The following KCNH5 variants were observed in gnomAD, a reference collection of about 807,000 sequenced individuals.
KCNH5 encodes potassium voltage-gated channel subfamily H member 5, also known as voltage-gated delayed rectifier potassium channel KCNH5.
Under a neutral mutation model 96.1 loss-of-function variants are expected in KCNH5, and 46 were observed. That is an observed-to-expected ratio of 0.48 (90% CI 0.38 to 0.61). The LOEUF is 0.61. Among genes scored for constraint, KCNH5 ranks in the 20% least tolerant of loss-of-function variants. The pLI, the probability that KCNH5 is intolerant of heterozygous loss-of-function variation, is 0.00. For synonymous variants in KCNH5, 439 were observed against 449.8 expected (o/e 0.98, Z 0.30); for missense variants, 907 against 1,225.8 (o/e 0.74, Z 3.88).
At chr14:62,961,951 G>T (rs1165595839) in intron 6 of KCNH5, among the ~76,000 whole-genome samples, 1 of 151,950 alleles carries the variant, frequency 6.6e-6, no homozygotes, top group Non-Finnish European at 1.5e-5. Context: ...AGATGCAGAT[G>T]GAGTTACAGA....
At chr14:62,885,710 T>A (rs1172454066) in intron 7 of KCNH5, among the ~76,000 whole-genome samples, 2 of 152,180 alleles carry the variant, frequency 1.3e-5, no homozygotes, top group Non-Finnish European at 2.9e-5. Context: ...GTTAATTAAA[T>A]GAGTTCTTTA....
At chr14:62,896,710 A>G (rs1888820688) in intron 7 of KCNH5, among the ~76,000 whole-genome samples, 1 of 152,158 alleles carries the variant, frequency 6.6e-6, no homozygotes, top group African/African-American at 2.4e-5. Flanking sequence ...AAGATTTTTC[A>G]GAAACAAAGA....
chr14:62,938,426 T>C (rs1889726655), intron 7 of KCNH5, among the ~76,000 whole-genome samples: 1 of 152,214 alleles, frequency 6.6e-6, no homozygotes, highest in Admixed American at 6.5e-5. Flanking sequence ...AAGAAGTCAC[T>C]TAGGAGCTGG....
intron 1 of KCNH5, among the ~76,000 whole-genome samples, chr14:63,023,870 A>C (rs1891474925): frequency 6.6e-6 from 1 of 152,208 alleles, no homozygotes. Context: ...TATACTCCTA[A>C]GGAACCAATG....
At chr14:62,804,684 C>T (rs537146046) in intron 8 of KCNH5, among the ~76,000 whole-genome samples, 1 of 152,262 alleles carries the variant, frequency 6.6e-6, no homozygotes, top group Admixed American at 6.5e-5. Flanking sequence ...ACCTTTGTAA[C>T]CTGGAGCACC....
chr14:62,997,380 C>A (rs1421792505), intron 4 of KCNH5, among the ~76,000 whole-genome samples: 1 of 152,092 alleles, frequency 6.6e-6, no homozygotes, highest in Non-Finnish European at 1.5e-5. Context: ...TAGAGAAGCT[C>A]CCCTCTATTC....
chr14:62,857,619 T>C (rs539055064), intron 7 of KCNH5, among the ~76,000 whole-genome samples: 4 of 152,274 alleles, frequency 2.6e-5, no homozygotes, highest in African/African-American at 9.6e-5. Context: ...GAAGCATCCA[T>C]CATGGGAGAA....
intron 10 of KCNH5, among the ~76,000 whole-genome samples, chr14:62,711,059 G>A (rs1884556489): frequency 6.6e-6 from 1 of 152,110 alleles, no homozygotes; most frequent in Admixed American, 6.5e-5. Context: ...GGCACCTTAG[G>A]CAAGAGCCTT....
chr14:62,925,326 A>G (rs1367983294), intron 7 of KCNH5, among the ~76,000 whole-genome samples: 1 of 152,050 alleles, frequency 6.6e-6, no homozygotes. Context: ...CAAAAGGTTT[A>G]AAACAAACTA....
At chr14:62,973,979 T>G (rs1890456419) in intron 6 of KCNH5, among the ~76,000 whole-genome samples, 1 of 152,082 alleles carries the variant, frequency 6.6e-6, no homozygotes. Flanking sequence ...AATGACTAGA[T>G]CAGAAATAAA....
At chr14:62,936,252 G>C (rs893776575) in intron 7 of KCNH5, among the ~76,000 whole-genome samples, 1 of 152,154 alleles carries the variant, frequency 6.6e-6, no homozygotes, top group Admixed American at 6.5e-5. Flanking sequence ...AAGGCAAAGA[G>C]AATGCAAGGT....
chr14:62,865,772 T>C lies in KCNH5; in HGVS notation c.1370-15920A>G, dbSNP rs571967083. ...GACAAGAAAACATATTTTCGAGGAATTGTGTATTTCCTAGAGCTACCTTGT... is the reference window on the plus strand; with the variant it reads ...GACAAGAAAACATATTTTCGAGGAACTGTGTATTTCCTAGAGCTACCTTGT... On this transcript the variant is annotated intron_variant, in intron 7 of 10. Coordinates refer to ENST00000322893, the MANE Select transcript of KCNH5 (RefSeq NM_139318.5). Among the ~76,000 whole-genome samples the C allele has an allele frequency of 5.3e-5, 8 of 152,336 alleles. 1 individual carries two copies. The East Asian group carries it at 1.5e-3, about 29-fold the overall frequency.
At chr14:62,843,873 T>C (rs1388771701) in intron 8 of KCNH5, among the ~76,000 whole-genome samples, 3 of 152,120 alleles carry the variant, frequency 2.0e-5, no homozygotes, top group Non-Finnish European at 2.9e-5. Flanking sequence ...TATAATCCAT[T>C]TTTCATATCT....
intron 10 of KCNH5, among the ~76,000 whole-genome samples, chr14:62,740,826 T>C (rs1052049711): frequency 6.6e-6 from 1 of 152,128 alleles, no homozygotes; most frequent in Non-Finnish European, 1.5e-5. Flanking sequence ...CAAAGTCTTC[T>C]CCCTGTCTCT....
At chr14:62,899,020 T>C (rs1179806973) in intron 7 of KCNH5, among the ~76,000 whole-genome samples, 1 of 152,042 alleles carries the variant, frequency 6.6e-6, no homozygotes, top group Non-Finnish European at 1.5e-5. Flanking sequence ...TTCACAAAAG[T>C]AATTGGAGAT....
chr14:62,822,053 G>A (rs1887126122), intron 8 of KCNH5, among the ~76,000 whole-genome samples: 1 of 151,904 alleles, frequency 6.6e-6, no homozygotes. Flanking sequence ...GAAATACTTA[G>A]GTATAAATGT....
intron 10 of KCNH5, among the ~76,000 whole-genome samples, chr14:62,749,854 G>A (rs901768818): frequency 4.6e-5 from 7 of 152,158 alleles, no homozygotes; most frequent in African/African-American, 1.4e-4. Context: ...AAGGGAAGGC[G>A]GTCCTGAATT....
At chr14:62,913,103 T>G (rs10131676) in intron 7 of KCNH5, among the ~76,000 whole-genome samples, 107,360 of 152,178 alleles carry the variant, frequency 0.71, 38,862 homozygotes, top group East Asian at 0.99. Context: ...ATGGGGTAAG[T>G]TAGTGATTTG....
At chr14:62,858,006 C>T (rs1209610974) in intron 7 of KCNH5, among the ~76,000 whole-genome samples, 5 of 151,832 alleles carry the variant, frequency 3.3e-5, no homozygotes, top group Admixed American at 3.3e-4. Context: ...CAATCCCCAA[C>T]CCAAATACTA....
Sources: gnomAD v4.1 joint callset for allele counts (sites outside exome capture counted in the v4.1 genomes callset) on GRCh38, gnomAD v4.1.1 for gene constraint, MANE v1.5 for transcripts, NCBI Gene and HGNC (gene_info 2026-07-23, HGNC 2026-07-21) for gene names.